The following STXBP5L variants were observed in gnomAD, a reference collection of about 807,000 sequenced individuals.
STXBP5L encodes syntaxin-binding protein 5-like.
A neutral mutation model predicts 144.5 loss-of-function variants in STXBP5L; 65 were observed. The ratio of observed to expected loss-of-function variants is 0.45; its 90% CI spans 0.37 to 0.55. The LOEUF (loss-of-function observed/expected upper bound fraction) is 0.55. Among genes scored for constraint, STXBP5L ranks in the 20% least tolerant of loss-of-function variants. The probability of loss-of-function intolerance (pLI) is 0.00; values close to 1 mark genes in which losing one functional copy is unlikely to be tolerated. For missense variants in STXBP5L, 1,298 were observed against 1,405.5 expected (o/e 0.92, Z 1.22); for synonymous variants, 505 against 469.6 (o/e 1.08, Z -0.97).
intron 3 of STXBP5L, among the ~76,000 whole-genome samples, chr3:121,000,654 A>G (rs1387014921): frequency 6.6e-6 from 1 of 152,126 alleles, no homozygotes; most frequent in Non-Finnish European, 1.5e-5. Flanking sequence ...TATTGCTGGG[A>G]AGCTAATATG....
chr3:121,150,763 T>C (rs1250567214), intron 7 of STXBP5L, among the ~76,000 whole-genome samples: 1 of 152,124 alleles, frequency 6.6e-6, no homozygotes, highest in Non-Finnish European at 1.5e-5. Context: ...TGCCAATATC[T>C]CCTTGCCAAG....
chr3:121,111,818 G>A (rs529489663), intron 5 of STXBP5L, among the ~76,000 whole-genome samples: 119 of 152,290 alleles, frequency 7.8e-4, no homozygotes, highest in South Asian at 2.3e-3. Flanking sequence ...CAGAGCCATC[G>A]GGGGAAAGAC....
chr3:121,111,616 C>T (rs1188084848), intron 5 of STXBP5L, among the ~76,000 whole-genome samples: 1 of 152,172 alleles, frequency 6.6e-6, no homozygotes, highest in Non-Finnish European at 1.5e-5. Flanking sequence ...AGCTCCATCC[C>T]AGAGGGGCAC....
chr3:121,388,918 G>A (rs2046499943), intron 22 of STXBP5L, among the ~76,000 whole-genome samples: 2 of 152,194 alleles, frequency 1.3e-5, no homozygotes, highest in Non-Finnish European at 2.9e-5. Context: ...ATGAATTTGG[G>A]AGGATTCCCT....
At chr3:121,214,851 G>A (rs752314986) in intron 10 of STXBP5L, among the ~76,000 whole-genome samples, 3 of 151,704 alleles carry the variant, frequency 2.0e-5, no homozygotes, top group African/African-American at 4.8e-5. Flanking sequence ...GTTTTTTTTT[G>A]TTGGTCTCTA....
intron 5 of STXBP5L, among the ~76,000 whole-genome samples, chr3:121,093,937 C>G (rs1358325887): frequency 6.6e-6 from 1 of 152,058 alleles, no homozygotes; most frequent in African/African-American, 2.4e-5. Context: ...CTACACACTG[C>G]TTTAAATGTG....
Position 121,348,075 on chromosome 3 carries a change from T to G in STXBP5L, c.2176+29535T>G, listed in dbSNP as rs189870597. On this transcript the variant is annotated intron_variant, in intron 20 of 26. Transcript: ENST00000471454. Reference sequence around the variant, plus strand: ...ATGCTTCCAGTTTTTGCCCATTCAGTATGATATTGGCTGTGGGTTTGTCAT... The same window carrying G: ...ATGCTTCCAGTTTTTGCCCATTCAGGATGATATTGGCTGTGGGTTTGTCAT... 9.3e-4 allele frequency among the ~76,000 whole-genome samples: 142 copies of G among 152,312 alleles called. 2 individuals carry two copies. The highest frequency in any genetic ancestry group is 2.4e-3 in the African/African-American group (100 of 41,566).
chr3:121,113,496 A>G (rs2044090434), intron 5 of STXBP5L, among the ~76,000 whole-genome samples: 2 of 152,110 alleles, frequency 1.3e-5, no homozygotes, highest in South Asian at 2.1e-4. Flanking sequence ...ACTATTGTCA[A>G]TAGTAATTGC....
chr3:121,067,722 T>G (rs1295030536), intron 5 of STXBP5L, among the ~76,000 whole-genome samples: 1 of 152,212 alleles, frequency 6.6e-6, no homozygotes, highest in Non-Finnish European at 1.5e-5. Flanking sequence ...GCTCCCACTA[T>G]GATTATAAAT....
intron 5 of STXBP5L, among the ~76,000 whole-genome samples, chr3:121,104,107 A>G (rs2043569335): frequency 6.6e-6 from 1 of 152,206 alleles, no homozygotes. Flanking sequence ...GTCAATCATC[A>G]TATGAATTTA....
chr3:121,014,785 CAATG>C (rs2108161702), intron 3 of STXBP5L, among the ~76,000 whole-genome samples: 1 of 151,886 alleles, frequency 6.6e-6, no homozygotes, highest in South Asian at 2.1e-4. Context: ...GTAAAAATCT[CAATG>C]AATCTAAAAA....
intron 19 of STXBP5L, among the ~76,000 whole-genome samples, chr3:121,313,382 G>A (rs1214457580): frequency 8.8e-4 from 114 of 129,572 alleles, no homozygotes; most frequent in Non-Finnish European, 9.1e-4. Flanking sequence ...GCGGCTGGCC[G>A]GGCGGGGGGC....
At chr3:121,288,210 G>A (rs2051298915) in intron 19 of STXBP5L, among the ~76,000 whole-genome samples, 2 of 152,160 alleles carry the variant, frequency 1.3e-5, no homozygotes, top group Non-Finnish European at 2.9e-5. Context: ...TGGTGTACAT[G>A]TATGACATTT....
At chr3:121,348,381 G>A (rs2045101881) in intron 20 of STXBP5L, among the ~76,000 whole-genome samples, 1 of 152,056 alleles carries the variant, frequency 6.6e-6, no homozygotes, top group African/African-American at 2.4e-5. Flanking sequence ...GAGGATTTTT[G>A]TGTCGATGTT....
chr3:121,003,145 T>G (rs913524411), intron 3 of STXBP5L, among the ~76,000 whole-genome samples: 1 of 152,192 alleles, frequency 6.6e-6, no homozygotes, highest in Non-Finnish European at 1.5e-5. Flanking sequence ...ACTTCCACAA[T>G]GGTTGAACTA....
chr3:120,953,502 C>CT (rs758605593), intron 2 of STXBP5L, among the ~76,000 whole-genome samples: 29,265 of 131,942 alleles, frequency 0.22, 3,349 homozygotes, highest in Non-Finnish European at 0.26. Context: ...TGAATTTTTC[C>CT]TTTTTTTTTT....
chr3:121,133,711 C>G (rs543535697), intron 7 of STXBP5L, among the ~76,000 whole-genome samples: 1 of 152,276 alleles, frequency 6.6e-6, no homozygotes, highest in South Asian at 2.1e-4. Flanking sequence ...AAGATACTAT[C>G]TGAGACTGGG....
intron 20 of STXBP5L, among the ~76,000 whole-genome samples, chr3:121,348,935 G>T (rs928734248): frequency 2.0e-5 from 3 of 151,922 alleles, no homozygotes; most frequent in Admixed American, 6.6e-5. Context: ...TTTTTTGAAG[G>T]GTTTTTTGTG....
At chr3:121,296,248 A>G (rs2051644507) in intron 19 of STXBP5L, among the ~76,000 whole-genome samples, 1 of 152,194 alleles carries the variant, frequency 6.6e-6, no homozygotes, top group Non-Finnish European at 1.5e-5. Context: ...TGCTCATTAG[A>G]GTATTAGCAA....
Sources: gnomAD v4.1 joint callset for allele counts (sites outside exome capture counted in the v4.1 genomes callset) on GRCh38, gnomAD v4.1.1 for gene constraint, MANE v1.5 for transcripts, NCBI Gene and HGNC (gene_info 2026-07-23, HGNC 2026-07-21) for gene names.